Variants in CACNA1F observed in about 807,000 individuals in gnomAD.
CACNA1F encodes voltage-dependent L-type calcium channel subunit alpha-1F.
Under a neutral mutation model 143.8 loss-of-function variants are expected in CACNA1F, and 59 were observed. The observed-to-expected ratio is 0.41, with a 90% CI of 0.33 to 0.51. CACNA1F has a LOEUF of 0.51. CACNA1F is among the 20% of genes least tolerant of loss of function. CACNA1F has a pLI of 0.22. For missense variants in CACNA1F, 1,411 were observed against 1,647.5 expected (o/e 0.86, Z 2.48); for synonymous variants, 643 against 649.1 (o/e 0.99, Z 0.14).
In CACNA1F at chrX:49,213,852, G is replaced by T. The variant is rs1602632267; in HGVS notation, c.3759C>A (p.Gly1253=). The change falls in exon 31 of 48, where the codon GGC becomes GGA. Residue 1253 remains glycine (G), a synonymous_variant. Transcript: ENST00000323022. ...WNTFDALIVV[G]SIVDIAVTEV... ...CAGTGACGGCAATATCCACTATGCT[G>T]CCCACCACAATAAGAGCGTCAAACG... 1.7e-6 allele frequency: 2 copies of T among 1,202,960 alleles called. No homozygotes were observed. Among genetic ancestry groups the T allele is most frequent in the East Asian group, 3.0e-5 (1 of 33,755 alleles).
intron 14 of CACNA1F, among the ~76,000 whole-genome samples, chrX:49,223,734 CTTTT>C (rs59224271): frequency 1.4e-5 from 1 of 70,785 alleles, no homozygotes; most frequent in Non-Finnish European, 2.7e-5. Context: ...TTTTTCTTAT[CTTTT>C]TTTTTTTTTT....
chrX:49,222,597 AG>A lies in CACNA1F; in HGVS notation c.2212del (p.Leu738CysfsTer2). 1 of 1,210,835 alleles carries A rather than the reference AG, an allele frequency of 8.3e-7. No homozygotes were observed. Among genetic ancestry groups the A allele is most frequent in the Non-Finnish European group, 1.1e-6 (1 of 894,867 alleles). Reference sequence around the variant, plus strand: ...AGCAATGGCAAGAAACACGTTCAACAGGATGTCTGGGATGAGCTTAGGCTGC... The same window carrying A: ...AGCAATGGCAAGAAACACGTTCAACAGATGTCTGGGATGAGCTTAGGCTGC... ...IILFICGNYILLNVFLAIAVD... is the reference protein window; with the variant it reads ...IILFICGNYIXLNVFLAIAVD... On this transcript the variant is annotated frameshift_variant, in exon 17 of 48. Coordinates refer to ENST00000323022, the MANE Select transcript of CACNA1F (RefSeq NM_001256789.3). LOFTEE classifies it high-confidence loss of function.
chrX:49,208,882 G>A (rs1557105557), intron 42 of CACNA1F, 198 bp from the exon 43 acceptor site: 1 of 464,016 alleles, frequency 2.2e-6, no homozygotes, highest in Non-Finnish European at 3.8e-6. Context: ...CGGGAGTGCA[G>A]TGGCATGATC....
chrX:49,227,340 C>G (rs1308840745), intron 8 of CACNA1F, among the ~76,000 whole-genome samples: 1 of 111,273 alleles, frequency 9.0e-6, no homozygotes, highest in Admixed American at 9.6e-5. Context: ...TTTCTTTTCC[C>G]CAGATACAGG....
Position 49,228,388 on chromosome X carries a change from T to A in CACNA1F, c.877A>T (p.Thr293Ser). 1 of 1,210,381 alleles carries A rather than the reference T, an allele frequency of 8.3e-7. No homozygotes were observed. Among genetic ancestry groups the A allele is most frequent in the South Asian group, 1.8e-5 (1 of 56,747 alleles). ...CASSGSGRAC[T>S]LNQTECRGRW... ...CCGCGGCACTCAGTCTGGTTCAGCG[T>A]GCACGCACGCCCTGATCCCGAAGAC... Residue 293 changes from threonine (T) to serine (S), a missense_variant, in exon 7 of 48, where the codon ACG (threonine) becomes TCG (serine). Physicochemically the swap from Thr to Ser is moderately conservative, Grantham distance 58. This residue lies in a region of CACNA1F where 950 missense variants were observed against 1,128.1 expected (regional missense o/e 0.84). Transcript: ENST00000323022.
Position 49,209,649 on chromosome X carries a change from T to C in CACNA1F, c.4801A>G (p.Ser1601Gly). The change falls in exon 41 of 48, where the codon AGC becomes GGC. Residue 1601 changes from serine (S) to glycine (G), a missense_variant. Physicochemically the swap from Ser to Gly is moderately conservative, Grantham distance 56 (BLOSUM62 0). This residue lies in a region of CACNA1F where 349 missense variants were observed against 350.2 expected (regional missense o/e 1.00). Transcript: ENST00000323022. Reference sequence around the variant, plus strand: ...AAGACCTGAAGGGCGGAAGAGGTGCTAGGGGCGGCGTCGTTGCCTAGTAGC... The same window carrying C: ...AAGACCTGAAGGGCGGAAGAGGTGCCAGGGGCGGCGTCGTTGCCTAGTAGC... ...KGLLGNDAAP[S>G]TSSALQAGLR... is the part of the protein sequence containing the mutation. 8.3e-7 allele frequency: 1 copy of C among 1,211,200 alleles called. No homozygotes were observed. Among genetic ancestry groups the C allele is most frequent in the Non-Finnish European group, 1.1e-6 (1 of 895,084 alleles).
rs781950367 is a variant in CACNA1F at position 49,218,635 on chromosome X, C to T, written c.2834G>A (p.Gly945Asp). The T allele has an allele frequency of 3.3e-6, 4 of 1,200,465 alleles. No individual in the cohort carries two copies. In the Admixed American group the frequency reaches 8.9e-5, roughly 27 times the overall value. ...CTGGGGATCTGTCACTTACTGGATGCCAAAGGAGATGAGGGACACACTGAC... is the reference window on the plus strand; with the variant it reads ...CTGGGGATCTGTCACTTACTGGATGTCAAAGGAGATGAGGGACACACTGAC... ...LVVSVSLISF[G>D]IHSSAISVVK... is the part of the protein sequence containing the mutation. Residue 945 changes from glycine (G) to aspartate (D), a missense_variant, in exon 23 of 48, where the codon GGC becomes GAC. This residue lies in a region of CACNA1F where 950 missense variants were observed against 1,128.1 expected (regional missense o/e 0.84). Transcript: ENST00000323022.
chrX:49,213,049 GC>G, intron 31 of CACNA1F, 55 bp from the exon 32 acceptor site: 2 of 1,032,383 alleles, frequency 1.9e-6, no homozygotes, highest in Non-Finnish European at 2.7e-6. Context: ...GACATCATAG[GC>G]CCAAATGAAC....
chrX:49,228,731 AT>A (rs1170262287), intron 6 of CACNA1F, among the ~76,000 whole-genome samples: 2 of 111,505 alleles, frequency 1.8e-5, no homozygotes, highest in Non-Finnish European at 3.8e-5. Context: ...CGCCCGGCTA[AT>A]TTTTTTTGTA....
intron 47 of CACNA1F, 47 bp from the exon 48 acceptor site, chrX:49,205,414 C>A: frequency 1.0e-6 from 1 of 973,715 alleles, no homozygotes; most frequent in African/African-American, 1.9e-5. Flanking sequence ...ACAGTGTGCA[C>A]AGAAGGTTCA....
At chrX:49,227,156 G>A (rs1557110262) in intron 8 of CACNA1F, 29 bp from the exon 9 acceptor site, 1 of 1,115,086 alleles carries the variant, frequency 9.0e-7, no homozygotes, top group Non-Finnish European at 1.2e-6. Flanking sequence ...GGGCTAGGGG[G>A]AGGAGCCAAT....
chrX:49,230,592 A>G lies in CACNA1F; in HGVS notation c.539T>C (p.Leu180Pro). The change falls in exon 5 of 48, where the codon CTG becomes CCG. Residue 180 changes from leucine (L) to proline (P), a missense_variant. This residue lies in a region of CACNA1F where 950 missense variants were observed against 1,128.1 expected (regional missense o/e 0.84). Transcript: ENST00000323022. ...IVVVGLFSVLLEQGPGRPGDA... is the reference protein window; with the variant it reads ...IVVVGLFSVLPEQGPGRPGDA... ...GCCTGGCCGTCCGGGGCCCTGCTCC[A>G]GCAGAACGCTGAACAGCCTGATGGG... 8.5e-7 allele frequency: 1 copy of G among 1,169,895 alleles called. No individual in the cohort carries two copies. The highest frequency in any genetic ancestry group is 1.1e-6 in the Non-Finnish European group (1 of 873,750).
At position 49,209,629 on chromosome X, in the gene CACNA1F, C is replaced by T. The variant is rs2147894677; in HGVS notation, c.4821G>A (p.Gln1607=). The part of the protein sequence containing the change: ...DAAPSTSSAL[Q]AGLRSLQDLG... ...CCACACTAGGCCCTGCCCCGAAGAC[C>T]TGAAGGGCGGAAGAGGTGCTAGGGG... is the stretch of plus-strand genomic sequence containing the variant. The change falls in exon 41 of 48, where the codon CAG becomes CAA. Residue 1607 remains glutamine (Q), a splice_region_variant and synonymous_variant. Coordinates refer to ENST00000323022, the MANE Select transcript of CACNA1F (RefSeq NM_001256789.3). 1 of 1,210,243 alleles carries T rather than the reference C, an allele frequency of 8.3e-7. No individual in the cohort carries two copies. The highest frequency in any genetic ancestry group is 1.7e-5 in the African/African-American group (1 of 57,523).
At chrX:49,206,472 T>C (rs2065597068) in intron 46 of CACNA1F, 39 bp downstream of exon 46, 1 of 855,670 alleles carries the variant, frequency 1.2e-6, no homozygotes, top group Non-Finnish European at 1.7e-6. Flanking sequence ...CCCCCATCTC[T>C]CCAGACCCCA....
At position 49,221,282 on chromosome X, in the gene CACNA1F, C is replaced by T. The variant is rs2904024; in HGVS notation, c.2289-202G>A. Among the ~76,000 whole-genome samples the T allele has an allele frequency of 8.8e-3, 980 of 111,962 alleles. 3 individuals are homozygous for T. The highest frequency in any genetic ancestry group is 0.051 in the Middle Eastern group (11 of 217). ...CCCAACTCTGCCCACAACCCTCCCA[C>T]GTCTCCTTAATTCAGGAAAAACTAC... On this transcript the variant is annotated intron_variant, in intron 17 of 47. Transcript: ENST00000323022.
chrX:49,208,415 T>TCC, intron 43 of CACNA1F, 100 bp downstream of exon 43: 10 of 138,727 alleles, frequency 7.2e-5, no homozygotes, highest in South Asian at 1.8e-4. Context: ...CTCTAGGCCC[T>TCC]CCCTCCCACC....
In CACNA1F at chrX:49,226,087, C is replaced by G; in HGVS notation, c.1491-18G>C. ...GGCGGCGGCTGGGGGAAGGGGAGCC[C>G]ACAGGCTGAGATCACCTACCTAAGC... is the stretch of plus-strand genomic sequence containing the variant. On this transcript the variant is annotated intron_variant, in intron 12 of 47. Coordinates refer to ENST00000323022, the MANE Select transcript of CACNA1F (RefSeq NM_001256789.3). The G allele has an allele frequency of 8.4e-7, 1 of 1,192,726 alleles. No individual in the cohort carries two copies. The highest frequency in any genetic ancestry group is 1.1e-6 in the Non-Finnish European group (1 of 885,294).
Position 49,211,289 on chromosome X carries a change from C to T in CACNA1F, c.4260+33G>A, listed in dbSNP as rs781806956. ...AGCCCCTCAGGGCCAGCCCCCGTGA[C>T]GGTGGTGGTGGTTGTGAGGAAATGG... On this transcript the variant is annotated intron_variant, in intron 36 of 47. Transcript: ENST00000323022. 51 of 1,203,746 alleles carry T rather than the reference C, an allele frequency of 4.2e-5. No homozygotes were observed. The Middle Eastern group carries it at 9.3e-4, about 22-fold the overall frequency.
intron 42 of CACNA1F, 62 bp from the exon 43 acceptor site, chrX:49,208,746 A>G: frequency 9.7e-7 from 1 of 1,034,838 alleles, no homozygotes; most frequent in Non-Finnish European, 1.4e-6. Flanking sequence ...TTGGTCATAT[A>G]ACATGTCTCC....
Sources: gnomAD v4.1 joint callset for allele counts (sites outside exome capture counted in the v4.1 genomes callset) on GRCh38, gnomAD v4.1.1 for gene constraint, gnomAD v4.1.1 regional missense constraint, MANE v1.5 for transcripts, NCBI Gene and HGNC (gene_info 2026-07-23, HGNC 2026-07-21) for gene names.